Variants in SLC7A10 observed in about 807,000 individuals in gnomAD.
SLC7A10 encodes the protein solute carrier family 7 member 10, also known as asc-type amino acid transporter 1.
SLC7A10 carries 30 observed loss-of-function variants against 52.7 expected under a neutral mutation model. The ratio of observed to expected loss-of-function variants is 0.57; its 90% CI spans 0.43 to 0.77. The LOEUF is 0.77. Among genes scored for constraint, SLC7A10 ranks in the 30% least tolerant of loss-of-function variants. The pLI is 0.00. For synonymous variants in SLC7A10, 318 were observed against 314.9 expected, an observed-to-expected ratio of 1.01 and a Z score of -0.10; for missense variants, 581 against 698.5, an observed-to-expected ratio of 0.83 and a Z score of 1.90.
chr19:33,223,477 G>A (rs1038021396), intron 1 of SLC7A10, among the ~76,000 whole-genome samples: 2 of 152,064 alleles, frequency 1.3e-5, no homozygotes, highest in Non-Finnish European at 2.9e-5. Flanking sequence ...GGGCAGAAAG[G>A]TGGGGTGGGC....
intron 1 of SLC7A10, among the ~76,000 whole-genome samples, chr19:33,221,913 T>A (rs942078350): frequency 6.6e-6 from 1 of 152,026 alleles, no homozygotes; most frequent in South Asian, 2.1e-4. Context: ...GGTTCCTGGG[T>A]CAGTATGAGA....
At chr19:33,213,920 C>A (rs555656459) in intron 2 of SLC7A10, among the ~76,000 whole-genome samples, 97 of 152,158 alleles carry the variant, frequency 6.4e-4, no homozygotes, top group African/African-American at 2.2e-3. Flanking sequence ...GTGGTCCTAG[C>A]CCCTGGCCAG....
Position 33,210,979 on chromosome 19 carries a change from T to G in SLC7A10, c.1017-81A>C. ...CTGATGTCCCTCTTAAGCTGTCGCC[T>G]CTGACCTCCTGCTCCGGGCCCAGCA... On this transcript the variant is annotated intron_variant, in intron 7 of 10. Coordinates refer to ENST00000253188, the MANE Select transcript of SLC7A10 (RefSeq NM_019849.3). This position sits in a 1 kb window ranked among gnomAD's most constrained non-coding sequence, Gnocchi z 5.6. 7.4e-7 allele frequency: 1 copy of G among 1,355,662 alleles called. No individual in the cohort carries two copies. The highest frequency in any genetic ancestry group is 1.0e-6 in the Non-Finnish European group (1 of 954,146). 84.0% of individuals were successfully genotyped at this position (1,355,662 alleles called of 1,614,324 possible). A position where few individuals can be genotyped will look rare whatever the true frequency, so the allele number is the denominator to read the frequency against.
intron 1 of SLC7A10, among the ~76,000 whole-genome samples, chr19:33,224,842 G>A (rs1182667418): frequency 6.6e-6 from 1 of 152,172 alleles, no homozygotes; most frequent in Non-Finnish European, 1.5e-5. Flanking sequence ...GGGGACTTTG[G>A]AGTCCAGGGC....
At position 33,222,228 on chromosome 19, in the gene SLC7A10, G is replaced by C. The variant is rs562632674; in HGVS notation, c.151+3325C>G. On this transcript the variant is annotated intron_variant, in intron 1 of 10. Coordinates refer to ENST00000253188, the MANE Select transcript of SLC7A10 (RefSeq NM_019849.3). Reference sequence around the variant, plus strand: ...AGCCTGGGCAACATGGCAAAACCCAGTCTCTACAAAAAATACAAAAATTAG... The same window carrying C: ...AGCCTGGGCAACATGGCAAAACCCACTCTCTACAAAAAATACAAAAATTAG... 3.3e-5 allele frequency among the ~76,000 whole-genome samples: 5 copies of C among 151,888 alleles called. No homozygotes were observed. In the East Asian group the frequency reaches 9.7e-4, roughly 29 times the overall value.
At chr19:33,223,234 G>A (rs1412115420) in intron 1 of SLC7A10, among the ~76,000 whole-genome samples, 2 of 149,924 alleles carry the variant, frequency 1.3e-5, no homozygotes, top group African/African-American at 2.5e-5. Context: ...CTTGAACCCC[G>A]GAGGTGGAGG....
intron 5 of SLC7A10, 121 bp downstream of exon 5, chr19:33,212,171 C>T (rs969910714): frequency 7.1e-7 from 1 of 1,418,166 alleles, no homozygotes; most frequent in Middle Eastern, 2.1e-4. Context: ...TGCAGGGCAA[C>T]AGGCGTGGGC....
rs571448010 is a variant in SLC7A10, at chr19:33,208,761, A to G, written c.*130T>C. 942 of 1,309,608 alleles carry G rather than the reference A, an allele frequency of 7.2e-4. 14 individuals carry two copies. The South Asian group carries it at 0.012, about 16-fold the overall frequency. The allele number at this position is 1,309,608 out of a possible 1,614,324, so 81.1% of individuals were successfully genotyped here. On this transcript the variant is annotated 3_prime_UTR_variant, in exon 11 of 11. Coordinates refer to ENST00000253188, the MANE Select transcript of SLC7A10 (RefSeq NM_019849.3). The surrounding 1 kb of genome is among the most constrained non-coding windows in gnomAD (Gnocchi z 4.7). Reference sequence around the variant, plus strand: ...AGTCCACATTTTAGGGCTTCCTTAAACAGGCTTCTGAGAGTCGTATCTTTT... The same window carrying G: ...AGTCCACATTTTAGGGCTTCCTTAAGCAGGCTTCTGAGAGTCGTATCTTTT...
rs768733610 is a variant in SLC7A10, at chr19:33,211,347, G to C, written c.913-19C>G. ...CGAAGGTCTGGGTGGGCACAGTAGA[G>C]AGGCCATGTGTAAGGCCGGGGCAGG... On this transcript the variant is annotated intron_variant, in intron 6 of 10. Coordinates refer to ENST00000253188, the MANE Select transcript of SLC7A10 (RefSeq NM_019849.3). 1.2e-6 allele frequency: 2 copies of C among 1,613,440 alleles called. No homozygotes were observed. Among genetic ancestry groups the C allele is most frequent in the African/African-American group, 1.3e-5 (1 of 74,848 alleles).
rs764301818 is a variant in SLC7A10, at chr19:33,211,472, A to G, written c.854T>C (p.Ile285Thr). Residue 285 changes from isoleucine (I) to threonine (T), a missense_variant, in exon 6 of 11, where the codon ATT (isoleucine) becomes ACT (threonine). By Grantham distance (89) the Ile-to-Thr change is moderately conservative. Coordinates refer to ENST00000253188, the MANE Select transcript of SLC7A10 (RefSeq NM_019849.3). Reference protein sequence around the residue: ...LVTFVYTFTNIAYFTAMSPQE... With the variant: ...LVTFVYTFTNTAYFTAMSPQE... ...GGGGGACATGGCCGTGAAGTAGGCA[A>G]TGTTGGTGAACGTGTACACGAAGGT... 7 of 1,614,060 alleles carry G rather than the reference A, an allele frequency of 4.3e-6. No homozygotes were observed. The highest frequency in any genetic ancestry group is 5.9e-6 in the Non-Finnish European group (7 of 1,180,012).
chr19:33,217,438 C>A (rs755026822), intron 1 of SLC7A10, among the ~76,000 whole-genome samples: 1 of 152,232 alleles, frequency 6.6e-6, no homozygotes, highest in Non-Finnish European at 1.5e-5. Context: ...GGACAATGTT[C>A]TGGGTTATAT....
At chr19:33,209,542 C>T in intron 9 of SLC7A10, 57 bp from the exon 10 acceptor site, 1 of 1,575,232 alleles carries the variant, frequency 6.3e-7, no homozygotes, top group Non-Finnish European at 8.7e-7. Context: ...GTCTGTACCC[C>T]CGACCCCTGG....
intron 6 of SLC7A10, 29 bp from the exon 7 acceptor site, chr19:33,211,357 G>A (rs767417658): frequency 6.2e-7 from 1 of 1,613,860 alleles, no homozygotes; most frequent in Admixed American, 1.7e-5. Flanking sequence ...GAGGCCATGT[G>A]TAAGGCCGGG....
chr19:33,211,695 C>T lies in SLC7A10; in HGVS notation c.789-158G>A, dbSNP rs1361884348. The T allele has an allele frequency of 4.2e-6, 6 of 1,419,144 alleles. No individual in the cohort carries two copies. The Admixed American group carries it at 1.2e-4, about 29-fold the overall frequency. The allele number at this position is 1,419,144 out of a possible 1,614,324, so 87.9% of individuals were successfully genotyped here. On this transcript the variant is annotated intron_variant, in intron 5 of 10. Coordinates refer to ENST00000253188, the MANE Select transcript of SLC7A10 (RefSeq NM_019849.3). ...CATTGCTGCCCGAGACACAGGGACC[C>T]TGTTGTCTGCCCTGCCCCACCCCCA...
chr19:33,212,387 C>T lies in SLC7A10; in HGVS notation c.693G>A (p.Val231=), dbSNP rs1424693140. The stretch of plus-strand genomic sequence containing the variant: ...GGAGGAAGGCCAGGGCCAGGTGTCC[C>T]ACGGAGGGCGTCATCCAGAAAGCAA... ...NAFAFWMTPS[V]GHLALAFLQG... The change falls in exon 5 of 11, where the codon GTG becomes GTA. Residue 231 remains valine, a synonymous_variant. Coordinates refer to ENST00000253188, the MANE Select transcript of SLC7A10 (RefSeq NM_019849.3). 5.0e-6 allele frequency: 8 copies of T among 1,613,882 alleles called. No individual in the cohort carries two copies. The highest frequency in any genetic ancestry group is 5.9e-6 in the Non-Finnish European group (7 of 1,180,044).
At position 33,210,432 on chromosome 19, in the gene SLC7A10, C is replaced by T; in HGVS notation, c.1263+35G>A. The T allele has an allele frequency of 6.4e-7, 1 of 1,550,988 alleles. No individual in the cohort carries two copies. Among genetic ancestry groups the T allele is most frequent in the Middle Eastern group, 1.7e-4 (1 of 5,996 alleles). ...GTGGATGCAGGGGTGGCTCTGGCAGCACCCGGCACAGGGCCAGCTGTCCCA... is the reference window on the plus strand; with the variant it reads ...GTGGATGCAGGGGTGGCTCTGGCAGTACCCGGCACAGGGCCAGCTGTCCCA... On this transcript the variant is annotated intron_variant, in intron 9 of 10. Coordinates refer to ENST00000253188, the MANE Select transcript of SLC7A10 (RefSeq NM_019849.3). This position sits in a 1 kb window ranked among gnomAD's most constrained non-coding sequence, Gnocchi z 5.6.
chr19:33,218,674 T>TTTCC (rs1974744408), intron 1 of SLC7A10, among the ~76,000 whole-genome samples: 1 of 66,516 alleles, frequency 1.5e-5, no homozygotes, highest in Admixed American at 1.6e-4. Context: ...TCTTTCTTTC[T>TTTCC]TTCTTTCTTT....
At position 33,225,740 on chromosome 19, in the gene SLC7A10, C is replaced by T; in HGVS notation, c.-37G>A. The T allele has an allele frequency of 2.0e-6, 3 of 1,467,714 alleles. No homozygotes were observed. The highest frequency in any genetic ancestry group is 2.7e-6 in the Non-Finnish European group (3 of 1,117,398). 90.9% of individuals were successfully genotyped at this position (1,467,714 alleles called of 1,614,324 possible). On this transcript the variant is annotated 5_prime_UTR_variant, in exon 1 of 11. Coordinates refer to ENST00000253188, the MANE Select transcript of SLC7A10 (RefSeq NM_019849.3). ...GCCGCGTCCCCGCTCCCTGCGCTGCCCCGTCTGTCCGGCCGGCCGCCCGTC... is the reference window on the plus strand; with the variant it reads ...GCCGCGTCCCCGCTCCCTGCGCTGCTCCGTCTGTCCGGCCGGCCGCCCGTC...
At chr19:33,218,661 A>C (rs1599955689) in intron 1 of SLC7A10, among the ~76,000 whole-genome samples, 11 of 51,150 alleles carry the variant, frequency 2.2e-4, no homozygotes, top group Non-Finnish European at 5.0e-4. Flanking sequence ...GGACCGGTGG[A>C]TTTCTTTCTT....
Sources: gnomAD v4.1 joint callset for allele counts (sites outside exome capture counted in the v4.1 genomes callset) on GRCh38, gnomAD v4.1.1 for gene constraint, Gnocchi (gnomAD v3.1) non-coding constraint, MANE v1.5 for transcripts, NCBI Gene and HGNC (gene_info 2026-07-23, HGNC 2026-07-21) for gene names.